The following DKK3 variants were observed in gnomAD, a reference collection of about 807,000 sequenced individuals.
DKK3 encodes the protein dickkopf Wnt signaling pathway inhibitor 3, also known as dickkopf-related protein 3.
In DKK3, 22 loss-of-function variants were observed where a neutral mutation model predicts 33.2. That is an observed-to-expected ratio of 0.66 (90% CI 0.47 to 0.95). The LOEUF (loss-of-function observed/expected upper bound fraction) is 0.95. DKK3 is among the 40% of genes least tolerant of loss of function. The probability of loss-of-function intolerance (pLI) is 0.00; values close to 1 mark genes in which losing one functional copy is unlikely to be tolerated. For missense variants in DKK3, 398 were observed against 458.4 expected, an observed-to-expected ratio of 0.87 and a Z score of 1.20; for synonymous variants, 194 against 188.8, an observed-to-expected ratio of 1.03 and a Z score of -0.23.
chr11:12,007,933 T>C (rs1178838894), intron 1 of DKK3, among the ~76,000 whole-genome samples: 2 of 152,244 alleles, frequency 1.3e-5, no homozygotes, highest in Non-Finnish European at 2.9e-5. Context: ...TCTTTGTCCC[T>C]GCATGGCATC....
At chr11:11,985,219 TAGG>T (rs1848171153) in intron 3 of DKK3, among the ~76,000 whole-genome samples, 1 of 152,138 alleles carries the variant, frequency 6.6e-6, no homozygotes, top group Non-Finnish European at 1.5e-5. Context: ...CGGCTGGGGC[TAGG>T]AGATTCCTTT....
chr11:12,004,944 G>A lies in DKK3; in HGVS notation c.214-2507C>T, dbSNP rs116956000. ...CAAAGGGGAGAAGAAATGGGGCTGA[G>A]ATAGAAGACAGAATGGGCAAGAAAA... On this transcript the variant is annotated intron_variant, in intron 1 of 6. Transcript: ENST00000683431. Among the ~76,000 whole-genome samples the A allele has an allele frequency of 6.5e-3, 991 of 152,272 alleles. 9 individuals are homozygous for A. The highest frequency in any genetic ancestry group is 9.5e-3 in the Non-Finnish European group (649 of 68,028).
chr11:11,968,347 G>T, intron 4 of DKK3, 48 bp downstream of exon 4: 1 of 1,555,346 alleles, frequency 6.4e-7, no homozygotes, highest in African/African-American at 1.4e-5. Flanking sequence ...TCTCCCCCAG[G>T]TGCCTGAGAC....
At chr11:12,009,423 C>T (rs577841850), upstream of DKK3, 8,814 of 940,586 alleles carry the variant, frequency 9.4e-3, 44 homozygotes, top group Middle Eastern at 0.036. Flanking sequence ...GCGGAGGGGC[C>T]GCAGCCCGGC....
At chr11:11,968,567 G>C in intron 3 of DKK3, 80 bp from the exon 4 acceptor site, 10 of 1,367,112 alleles carry the variant, frequency 7.3e-6, no homozygotes, top group Non-Finnish European at 1.0e-5. Context: ...GGCCAGGCCC[G>C]CTTCCATTCC....
At chr11:11,976,028 T>G (rs1847825863) in intron 3 of DKK3, among the ~76,000 whole-genome samples, 1 of 152,200 alleles carries the variant, frequency 6.6e-6, no homozygotes, top group South Asian at 2.1e-4. Flanking sequence ...CTTAGTGGCC[T>G]CCACCCACTC....
chr11:12,007,003 C>G (rs1057233688), intron 1 of DKK3, among the ~76,000 whole-genome samples: 3 of 152,146 alleles, frequency 2.0e-5, no homozygotes, highest in African/African-American at 7.2e-5. Flanking sequence ...TTTAATTGCT[C>G]CATGTCATGA....
intron 3 of DKK3, among the ~76,000 whole-genome samples, chr11:11,993,621 T>TAA (rs1236795422): frequency 2.0e-5 from 3 of 152,250 alleles, no homozygotes; most frequent in African/African-American, 2.4e-5. Flanking sequence ...TACCCATTTC[T>TAA]CAGAATGATA....
At chr11:12,008,925 G>A (rs190773367), upstream of DKK3, 755 of 1,049,372 alleles carry the variant, frequency 7.2e-4, 2 homozygotes, top group African/African-American at 0.011. This position sits in a 1 kb window ranked among gnomAD's most constrained non-coding sequence, Gnocchi z 4.6. Context: ...TACGCTAATA[G>A]CTCCCAAGCC....
intron 1 of DKK3, among the ~76,000 whole-genome samples, chr11:12,004,252 A>T (rs1018758338): frequency 1.3e-5 from 2 of 152,192 alleles, no homozygotes; most frequent in African/African-American, 2.4e-5. Context: ...TTCTCAGCTT[A>T]TTCTGAGGAT....
intron 3 of DKK3, among the ~76,000 whole-genome samples, chr11:11,976,520 G>A (rs1219691241): frequency 6.6e-6 from 1 of 152,246 alleles, no homozygotes; most frequent in East Asian, 1.9e-4. Flanking sequence ...AAGTGGCAGA[G>A]CTACACTCAA....
intron 3 of DKK3, among the ~76,000 whole-genome samples, chr11:11,982,478 C>T (rs1031892680): frequency 6.6e-6 from 1 of 152,226 alleles, no homozygotes; most frequent in African/African-American, 2.4e-5. Context: ...TTTCTGGCTT[C>T]AGGGTGCAAA....
chr11:11,977,962 A>C (rs895652475), intron 3 of DKK3, among the ~76,000 whole-genome samples: 10 of 152,260 alleles, frequency 6.6e-5, no homozygotes, highest in African/African-American at 2.4e-4. Context: ...GATTTAGCAA[A>C]TAAAATTATA....
In DKK3 at chr11:12,008,455, T is replaced by A. The variant is rs942254269; in HGVS notation, c.128A>T (p.Glu43Val). 3.7e-6 allele frequency: 6 copies of A among 1,610,166 alleles called. No homozygotes were observed. In the South Asian group the frequency reaches 5.5e-5, roughly 15 times the overall value. ...GAACATCTCATTGAGGGTGGCCTCC[T>A]CCTGCGGGTAGCTGAGAGCCGGGCC... ...KPGPALSYPQ[E>V]EATLNEMFRE... Residue 43 changes from glutamate (E) to valine (V), a missense_variant, in exon 1 of 7, where the codon GAG (glutamate) becomes GTG (valine). Coordinates refer to ENST00000683431, the MANE Select transcript of DKK3 (RefSeq NM_001018057.2). This position sits in a 1 kb window ranked among gnomAD's most constrained non-coding sequence, Gnocchi z 4.6.
At chr11:11,966,490 C>T (rs906976488) in intron 5 of DKK3, among the ~76,000 whole-genome samples, 2 of 151,990 alleles carry the variant, frequency 1.3e-5, no homozygotes, top group Non-Finnish European at 2.9e-5. Flanking sequence ...ATCACGGAGG[C>T]GGCAGGTACA....
Position 12,008,412 on chromosome 11 carries a change from CA to C in DKK3, c.170del (p.Leu57ArgfsTer29). On this transcript the variant is annotated frameshift_variant, in exon 1 of 7. Coordinates refer to ENST00000683431, the MANE Select transcript of DKK3 (RefSeq NM_001018057.2). LOFTEE classifies it high-confidence loss of function. The surrounding 1 kb of genome is among the most constrained non-coding windows in gnomAD (Gnocchi z 4.6). ...LNEMFREVEE[L>X]MEDTQHKLRS... ...GCAATTTGTGCTGCGTGTCCTCCAT[CA>C]GTTCCTCAACCTCGCGGAACATCTC... is the stretch of plus-strand genomic sequence containing the variant. The C allele has an allele frequency of 6.2e-7, 1 of 1,610,176 alleles. No individual in the cohort carries two copies. The highest frequency in any genetic ancestry group is 8.5e-7 in the Non-Finnish European group (1 of 1,179,062).
upstream of DKK3, chr11:12,009,136 G>A: frequency 1.0e-6 from 1 of 984,740 alleles, no homozygotes; most frequent in Non-Finnish European, 1.2e-6. Flanking sequence ...GAGCTCAGCA[G>A]AGTCGTCCCC....
rs569599830 is a variant in DKK3 at position 11,963,603 on chromosome 11, T to A, written c.*861A>T. The A allele has an allele frequency of 3.9e-5, 6 of 152,178 alleles. No homozygotes were observed. Among genetic ancestry groups the A allele is most frequent in the African/African-American group, 1.4e-4 (6 of 41,434 alleles). 9.4% of individuals were successfully genotyped at this position (152,178 alleles called of 1,614,324 possible). ...TAACAGTAGTTTACTTTTAGAGGGA[T>A]GTGAGAATTAGTTTGACCTTAATTC... On this transcript the variant is annotated 3_prime_UTR_variant, in exon 7 of 7. Transcript: ENST00000683431.
chr11:12,003,028 C>T (rs958204277), intron 1 of DKK3, among the ~76,000 whole-genome samples: 8 of 152,222 alleles, frequency 5.3e-5, no homozygotes, highest in African/African-American at 1.7e-4. Context: ...GTAGAATCTA[C>T]GTAGTCTCCC....
Sources: gnomAD v4.1 joint callset for allele counts (sites outside exome capture counted in the v4.1 genomes callset) on GRCh38, gnomAD v4.1.1 for gene constraint, Gnocchi (gnomAD v3.1) non-coding constraint, MANE v1.5 for transcripts, NCBI Gene and HGNC (gene_info 2026-07-23, HGNC 2026-07-21) for gene names.